Variants in TLK1 observed in about 807,000 individuals in gnomAD.
The protein encoded by TLK1 is serine/threonine-protein kinase tousled-like 1.
Under a neutral mutation model 105.3 loss-of-function variants are expected in TLK1, and 24 were observed. That is an observed-to-expected ratio of 0.23 (90% CI 0.17 to 0.32). TLK1 has a LOEUF of 0.32. TLK1 is among the 10% of genes least tolerant of loss of function. The pLI, the probability that TLK1 is intolerant of heterozygous loss-of-function variation, is 1.00. For missense variants in TLK1, 558 were observed against 910.5 expected (o/e 0.61, Z 4.98); for synonymous variants, 321 against 310.4 (o/e 1.03, Z -0.36).
chr2:171,070,496 T>C (rs1315039031), intron 3 of TLK1, among the ~76,000 whole-genome samples: 1 of 152,202 alleles, frequency 6.6e-6, no homozygotes, highest in African/African-American at 2.4e-5. Flanking sequence ...TCTTAATTTT[T>C]AGCTCCCACA....
At chr2:171,164,359 G>T (rs1419423345), upstream of TLK1, among the ~76,000 whole-genome samples, 1 of 152,158 alleles carries the variant, frequency 6.6e-6, no homozygotes, top group Non-Finnish European at 1.5e-5. Flanking sequence ...GTGAAAAAAT[G>T]GATATGATCT....
intron 1 of TLK1, among the ~76,000 whole-genome samples, chr2:171,183,871 C>T (rs1443342535): frequency 6.6e-6 from 1 of 152,004 alleles, no homozygotes; most frequent in East Asian, 1.9e-4. Context: ...ATTTTTTTCA[C>T]CTGTAGTAGG....
chr2:171,160,740 TCGGAGCGCGGG>T lies in TLK1; in HGVS notation c.-323_-313del, dbSNP rs537930498. Reference sequence around the variant, plus strand: ...CGAGGGGGTGCCAGCCGGGCCGGGGTCGGAGCGCGGGCGGAGCGCGGGCTGCGCCGGCCGAG... The same window carrying T: ...CGAGGGGGTGCCAGCCGGGCCGGGGTCGGAGCGCGGGCTGCGCCGGCCGAG... On this transcript the variant is annotated 5_prime_UTR_variant, in exon 1 of 21. Transcript: ENST00000431350. The surrounding 1 kb of genome is among the most constrained non-coding windows in gnomAD (Gnocchi z 4.4). 0.013 allele frequency: 5,609 copies of T among 428,072 alleles called. 69 individuals carry two copies. The highest frequency in any genetic ancestry group is 0.021 in the South Asian group (316 of 14,752). 26.5% of individuals were successfully genotyped at this position (428,072 alleles called of 1,614,324 possible). A position where few individuals can be genotyped will look rare whatever the true frequency, so the allele number is the denominator to read the frequency against.
At chr2:170,995,986 G>A (rs1345679297) in intron 20 of TLK1, among the ~76,000 whole-genome samples, 1 of 151,742 alleles carries the variant, frequency 6.6e-6, no homozygotes, top group African/African-American at 2.4e-5. Flanking sequence ...ACAGGTGTGA[G>A]CCACCGCGCA....
At chr2:171,139,780 T>C (rs1266666551) in intron 1 of TLK1, among the ~76,000 whole-genome samples, 3 of 150,852 alleles carry the variant, frequency 2.0e-5, no homozygotes, top group African/African-American at 2.4e-5. Context: ...CAGTGGCCAG[T>C]TTCATGGAAG....
At chr2:171,142,769 C>A (rs1691634153) in intron 1 of TLK1, among the ~76,000 whole-genome samples, 1 of 152,216 alleles carries the variant, frequency 6.6e-6, no homozygotes, top group African/African-American at 2.4e-5. Context: ...TATTACACCA[C>A]ATCTAACAAC....
In TLK1 at chr2:171,062,588, C is replaced by T. The variant is rs112691434; in HGVS notation, c.331-1432G>A. Among the ~76,000 whole-genome samples, 537 of 152,252 alleles carry T rather than the reference C, an allele frequency of 3.5e-3. 6 individuals are homozygous for T. The highest frequency in any genetic ancestry group is 0.012 in the African/African-American group (496 of 41,528). ...CTCCCTATCTCACCCTCTTACCCCACCCCTAGCATACAGTTATTACTTGAT... is the reference window on the plus strand; with the variant it reads ...CTCCCTATCTCACCCTCTTACCCCATCCCTAGCATACAGTTATTACTTGAT... On this transcript the variant is annotated intron_variant, in intron 3 of 20. Coordinates refer to ENST00000431350, the MANE Select transcript of TLK1 (RefSeq NM_012290.5).
At chr2:171,126,322 T>G (rs1238115634) in intron 1 of TLK1, among the ~76,000 whole-genome samples, 1 of 152,168 alleles carries the variant, frequency 6.6e-6, no homozygotes, top group Non-Finnish European at 1.5e-5. Context: ...ATGTTTCATT[T>G]TAATAAACAT....
intron 18 of TLK1, 42 bp downstream of exon 18, chr2:171,006,105 G>T: frequency 1.4e-6 from 2 of 1,464,340 alleles, no homozygotes; most frequent in Non-Finnish European, 9.0e-7. Flanking sequence ...AAAGCACTGG[G>T]CACCAATCTA....
chr2:171,058,357 T>A (rs1003372463), intron 4 of TLK1, among the ~76,000 whole-genome samples, 160 bp from the exon 5 acceptor site: 2 of 152,124 alleles, frequency 1.3e-5, no homozygotes, highest in African/African-American at 4.8e-5. Flanking sequence ...TATTGGAGAA[T>A]CTTACAAATA....
At chr2:171,165,456 TG>T (rs1464729158), upstream of TLK1, among the ~76,000 whole-genome samples, 16 of 152,362 alleles carry the variant, frequency 1.1e-4, no homozygotes, top group African/African-American at 3.8e-4. Context: ...TTTATAACTA[TG>T]TTTAATAGAC....
chr2:171,012,060 CG>C (rs1553604437), intron 13 of TLK1, among the ~76,000 whole-genome samples: 1 of 151,592 alleles, frequency 6.6e-6, no homozygotes, highest in Non-Finnish European at 1.5e-5. Context: ...GAAGTGTTTC[CG>C]ATTTGGGAGT....
rs143684570 is a variant in TLK1, at chr2:171,160,841, A to AGGCGGC, written c.-419_-414dup. ...GCGTCGGCCCCCGGCGTCGCCCGGG[A>AGGCGGC]GGCGGCGGCGGCGGGCTGTGGGTGG... On this transcript the variant is annotated 5_prime_UTR_variant, in exon 1 of 21. Transcript: ENST00000431350. The surrounding 1 kb of genome is among the most constrained non-coding windows in gnomAD (Gnocchi z 4.4). 10 of 321,738 alleles carry AGGCGGC rather than the reference A, an allele frequency of 3.1e-5. No homozygotes were observed. The highest frequency in any genetic ancestry group is 1.5e-4 in the African/African-American group (7 of 45,208). 19.9% of individuals were successfully genotyped at this position (321,738 alleles called of 1,614,324 possible).
intron 5 of TLK1, 41 bp downstream of exon 5, chr2:171,058,110 G>A (rs766326720): frequency 6.2e-7 from 1 of 1,601,632 alleles, no homozygotes; most frequent in Admixed American, 1.7e-5. Context: ...CAGCAGAATA[G>A]TACTGAATTA....
intron 1 of TLK1, among the ~76,000 whole-genome samples, chr2:171,192,519 A>G (rs970088487): frequency 2.4e-4 from 36 of 152,094 alleles, no homozygotes; most frequent in Middle Eastern, 6.8e-3. Context: ...CTCTACTAAA[A>G]ATAAAAAAAA....
At chr2:171,166,704 TG>T in intron 1 of TLK1, among the ~76,000 whole-genome samples, 1 of 152,242 alleles carries the variant, frequency 6.6e-6, no homozygotes. Context: ...TTCTCTGACC[TG>T]GCAGTTCCGT....
chr2:171,075,206 G>C (rs1688445620), intron 3 of TLK1, among the ~76,000 whole-genome samples: 1 of 152,078 alleles, frequency 6.6e-6, no homozygotes, highest in Non-Finnish European at 1.5e-5. Flanking sequence ...GGGCAAAAAA[G>C]AAGGTATGAG....
rs973688494 is a variant in TLK1, at chr2:171,135,305, G to T, written c.140-17448C>A. On this transcript the variant is annotated intron_variant, in intron 1 of 20. Transcript: ENST00000431350. ...ATCATTCCACATTATGTGTGTGTTTGTGTGTGTGTGTGTGTATATATATAT... is the reference window on the plus strand; with the variant it reads ...ATCATTCCACATTATGTGTGTGTTTTTGTGTGTGTGTGTGTATATATATAT... 1.0e-3 allele frequency among the ~76,000 whole-genome samples: 106 copies of T among 101,912 alleles called. 2 individuals carry two copies. The highest frequency in any genetic ancestry group is 4.6e-3 in the Middle Eastern group (1 of 216). 66.9% of individuals were successfully genotyped at this position (101,912 alleles called of 152,430 possible). A position where few individuals can be genotyped will look rare whatever the true frequency, so the allele number is the denominator to read the frequency against.
chr2:171,130,815 C>T (rs1222866741), intron 1 of TLK1, among the ~76,000 whole-genome samples: 1 of 152,080 alleles, frequency 6.6e-6, no homozygotes, highest in Non-Finnish European at 1.5e-5. Context: ...TTGATGAAAA[C>T]TAAAACAATC....
Sources: allele counts gnomAD v4.1 joint callset (sites outside exome capture counted in the v4.1 genomes callset), GRCh38; gene constraint gnomAD v4.1.1; non-coding constraint Gnocchi (gnomAD v3.1); transcripts MANE v1.5; gene names NCBI Gene and HGNC (gene_info 2026-07-23, HGNC 2026-07-21).